TTC23: variants seen among roughly 807,000 people sequenced by gnomAD.
TTC23 encodes the protein tetratricopeptide repeat domain 23, also known as tetratricopeptide repeat protein 23.
A neutral mutation model predicts 55.1 loss-of-function variants in TTC23; 58 were observed. That is an observed-to-expected ratio of 1.05 (90% CI 0.85 to 1.31). The LOEUF is 1.31. Among genes scored for constraint, TTC23 ranks in the 50% most tolerant of loss-of-function variants. TTC23 has a pLI of 0.00. For missense variants in TTC23, 516 were observed against 534.4 expected, an observed-to-expected ratio of 0.97 and a Z score of 0.34; for synonymous variants, 203 against 199.9, an observed-to-expected ratio of 1.02 and a Z score of -0.13.
chr15:99,205,381 T>A (rs35249012), intron 8 of TTC23, among the ~76,000 whole-genome samples: 37 of 151,964 alleles, frequency 2.4e-4, no homozygotes, highest in African/African-American at 8.5e-4. Flanking sequence ...TAGGTTGCTT[T>A]GGGTCGTAGG....
chr15:99,192,510 G>T (rs1178512199), intron 9 of TTC23, among the ~76,000 whole-genome samples: 2 of 152,206 alleles, frequency 1.3e-5, no homozygotes, highest in Non-Finnish European at 2.9e-5. Context: ...CTGAAGACTT[G>T]GCAGCTTCCT....
chr15:99,221,749 T>C lies in TTC23; in HGVS notation c.296A>G (p.Gln99Arg), dbSNP rs1397694072. ...GTCTAAGGCGAGCTTACCTTTCAGC[T>C]GGAGGTAGCCTTGAGCCAGATTAAC... ...AHVNLAQGYL[Q>R]LKGLSLQAKQ... The change falls in exon 6 of 14, where the codon CAG becomes CGG. Residue 99 changes from glutamine to arginine, a missense_variant. Coordinates refer to ENST00000394132, the MANE Select transcript of TTC23 (RefSeq NM_001288615.3). The C allele has an allele frequency of 1.9e-6, 3 of 1,613,934 alleles. No individual in the cohort carries two copies. In the African/African-American group the frequency reaches 4.0e-5, roughly 22 times the overall value.
At chr15:99,229,946 T>C (rs1034523891) in intron 4 of TTC23, among the ~76,000 whole-genome samples, 2 of 152,162 alleles carry the variant, frequency 1.3e-5, no homozygotes, top group Non-Finnish European at 2.9e-5. Flanking sequence ...TTAATTGCAC[T>C]AGAGGATAAT....
At chr15:99,203,329 A>T (rs866821667) in intron 8 of TTC23, among the ~76,000 whole-genome samples, 1 of 152,118 alleles carries the variant, frequency 6.6e-6, no homozygotes, top group Non-Finnish European at 1.5e-5. Flanking sequence ...TTTTAAAAAA[A>T]TTTTAAATTA....
intron 9 of TTC23, among the ~76,000 whole-genome samples, chr15:99,180,803 A>G (rs1242015725): frequency 6.6e-6 from 1 of 152,220 alleles, no homozygotes; most frequent in African/African-American, 2.4e-5. Flanking sequence ...TAAGTACACA[A>G]GAAGATCAAG....
rs1234301795 is a variant in TTC23 at position 99,228,659 on chromosome 15, A to G, written c.54T>C (p.Ala18=). The G allele has an allele frequency of 6.2e-7, 1 of 1,613,676 alleles. No homozygotes were observed. Among genetic ancestry groups the G allele is most frequent in the Admixed American group, 1.7e-5 (1 of 60,020 alleles). Residue 18 remains alanine (A), a synonymous_variant, in exon 5 of 14, where the codon GCT becomes GCC. Transcript: ENST00000394132. ...TCTTTCTATGAGTGATGCTAACAGC[A>G]GCAACAACTTCATCTAGGTGGTTGG... The part of the protein sequence containing the change: ...HISNHLDEVV[A]AVSITHRKKF...
rs772581887 is a variant in TTC23 at position 99,199,936 on chromosome 15, T to C, written c.742A>G (p.Ile248Val). The C allele has an allele frequency of 6.2e-7, 1 of 1,612,270 alleles. No homozygotes were observed. The highest frequency in any genetic ancestry group is 8.5e-7 in the Non-Finnish European group (1 of 1,179,260). ...TAGCTTACCTGGAGGAAGTGGTTGATGGATACATCGTGGAGTCCCAGGGCT... is the reference window on the plus strand; with the variant it reads ...TAGCTTACCTGGAGGAAGTGGTTGACGGATACATCGTGGAGTCCCAGGGCT... ...EQALGLHDVS[I>V]NHFLQAHLII... Residue 248 changes from isoleucine to valine, a missense_variant, in exon 9 of 14, where the codon ATC becomes GTC. Coordinates refer to ENST00000394132, the MANE Select transcript of TTC23 (RefSeq NM_001288615.3).
At chr15:99,140,650 G>A (rs576935073) in intron 12 of TTC23, 1 of 152,310 alleles carries the variant, frequency 6.6e-6, no homozygotes, top group African/African-American at 2.4e-5. Flanking sequence ...GATTATAGGA[G>A]TGAGCCACCA....
chr15:99,197,193 C>A (rs1463962698), intron 9 of TTC23, among the ~76,000 whole-genome samples: 4 of 152,058 alleles, frequency 2.6e-5, no homozygotes, highest in African/African-American at 9.7e-5. Context: ...AGCTCCGCCT[C>A]CCAGGCTCAC....
chr15:99,238,633 G>A (rs1023672634), intron 3 of TTC23, among the ~76,000 whole-genome samples: 1 of 152,168 alleles, frequency 6.6e-6, no homozygotes, highest in Non-Finnish European at 1.5e-5. Context: ...TTTGGTGTAT[G>A]TGAAATGAGG....
chr15:99,221,893 G>A lies in TTC23; in HGVS notation c.181-29C>T, dbSNP rs1236765627. The A allele has an allele frequency of 1.9e-6, 3 of 1,611,132 alleles. No individual in the cohort carries two copies. The South Asian group carries it at 3.3e-5, about 18-fold the overall frequency. On this transcript the variant is annotated intron_variant, in intron 5 of 13. Transcript: ENST00000394132. ...TTAGGAAGAGAAAACAGGCTTACCA[G>A]TTATACAACTTAAGAGTCACAAAAC...
rs2067905987 is a variant in TTC23 at position 99,139,101 on chromosome 15, T to C, written c.1226+216A>G. 4.5e-6 allele frequency: 3 copies of C among 669,536 alleles called. No homozygotes were observed. The Admixed American group carries it at 6.5e-5, about 14-fold the overall frequency. 41.5% of individuals were successfully genotyped at this position (669,536 alleles called of 1,614,324 possible). ...CTGCAGGAAGACAACATCCAGCATA[T>C]ATTTCTGACTTAAAGGATGAATTAT... On this transcript the variant is annotated intron_variant, in intron 13 of 13. Transcript: ENST00000394132.
At chr15:99,165,630 C>T (rs1376925897) in intron 10 of TTC23, among the ~76,000 whole-genome samples, 3 of 151,884 alleles carry the variant, frequency 2.0e-5, no homozygotes, top group Non-Finnish European at 2.9e-5. Context: ...GGGCCTGTCC[C>T]CAGCCAGACC....
At position 99,228,525 on chromosome 15, in the gene TTC23, C is replaced by T. The variant is rs372860380; in HGVS notation, c.180+8G>A. The stretch of plus-strand genomic sequence containing the variant: ...AGAGTAGAAATACAGAAACAAAAGT[C>T]TCCTTACCTCATGACTGTTGGAATA... On this transcript the variant is annotated splice_region_variant and intron_variant, in intron 5 of 13. Transcript: ENST00000394132. 6.3e-7 allele frequency: 1 copy of T among 1,598,252 alleles called. No homozygotes were observed. Among genetic ancestry groups the T allele is most frequent in the African/African-American group, 1.3e-5 (1 of 74,350 alleles).
chr15:99,239,623 G>A (rs2079603634), intron 3 of TTC23, among the ~76,000 whole-genome samples: 1 of 152,310 alleles, frequency 6.6e-6, no homozygotes, highest in African/African-American at 2.4e-5. Context: ...GAGATCCTAA[G>A]ATGTTGGCTA....
Position 99,228,574 on chromosome 15 carries a change from G to C in TTC23, c.139C>G (p.Leu47Val). Residue 47 changes from leucine (L) to valine (V), a missense_variant, in exon 5 of 14, where the codon CTC (leucine) becomes GTC (valine). Physicochemically the swap from Leu to Val is conservative, Grantham distance 32. Transcript: ENST00000394132. ...LFQPPREKLHLCEEKAKSYSN... is the reference protein window; with the variant it reads ...LFQPPREKLHVCEEKAKSYSN... ...TAGGACTTTGCTTTCTCTTCACAGA[G>C]GTGGAGTTTCTCTCGAGGAGGCTGG... 4 of 1,613,720 alleles carry C rather than the reference G, an allele frequency of 2.5e-6. No homozygotes were observed. The highest frequency in any genetic ancestry group is 3.4e-6 in the Non-Finnish European group (4 of 1,179,790).
chr15:99,188,089 C>A (rs1172292118), intron 9 of TTC23, among the ~76,000 whole-genome samples: 2 of 151,906 alleles, frequency 1.3e-5, no homozygotes, highest in East Asian at 3.8e-4. Flanking sequence ...CTGGAAGCAA[C>A]CCAAATGCCC....
chr15:99,143,456 A>G (rs1241758316), intron 12 of TTC23, among the ~76,000 whole-genome samples: 1 of 152,206 alleles, frequency 6.6e-6, no homozygotes, highest in Non-Finnish European at 1.5e-5. Context: ...AACTCGCCAA[A>G]CCTTGACAGT....
intron 8 of TTC23, among the ~76,000 whole-genome samples, chr15:99,214,948 C>T (rs751797068): frequency 8.1e-5 from 12 of 148,978 alleles, no homozygotes; most frequent in South Asian, 4.3e-4. Context: ...CTCTGCCTCT[C>T]GGGTTCAAGC....
Sources: gnomAD v4.1 joint callset for allele counts (sites outside exome capture counted in the v4.1 genomes callset) on GRCh38, gnomAD v4.1.1 for gene constraint, MANE v1.5 for transcripts, NCBI Gene and HGNC (gene_info 2026-07-23, HGNC 2026-07-21) for gene names.